CHRM3: variants seen among roughly 807,000 people sequenced by gnomAD.
CHRM3 encodes cholinergic receptor muscarinic 3, also known as muscarinic acetylcholine receptor M3.
A neutral mutation model predicts 41.8 loss-of-function variants in CHRM3; 11 were observed. The observed-to-expected ratio is 0.26, with a 90% CI of 0.17 to 0.44. The LOEUF (loss-of-function observed/expected upper bound fraction) is 0.44. CHRM3 is among the 20% of genes least tolerant of loss of function. CHRM3 has a pLI of 1.00. For missense variants in CHRM3, 571 were observed against 745.4 expected, an observed-to-expected ratio of 0.77 and a Z score of 2.72; for synonymous variants, 297 against 301.4, an observed-to-expected ratio of 0.99 and a Z score of 0.15.
chr1:239,681,925 T>A (rs1658608061), intron 5 of CHRM3, among the ~76,000 whole-genome samples: 1 of 152,148 alleles, frequency 6.6e-6, no homozygotes, highest in Non-Finnish European at 1.5e-5. Flanking sequence ...AGGTGTTGAA[T>A]CAACATGTGA....
At position 239,407,697 on chromosome 1, in the gene CHRM3, G is replaced by A. The variant is rs138247683; in HGVS notation, c.-521+20470G>A. Among the ~76,000 whole-genome samples, 208 of 152,054 alleles carry A rather than the reference G, an allele frequency of 1.4e-3. 1 individual carries two copies. The highest frequency in any genetic ancestry group is 4.6e-3 in the African/African-American group (193 of 41,508). ...AACAATGAACTAAATTAGCACATTC[G>A]ATCAGATTTCCATGAATATGCCCAG... On this transcript the variant is annotated intron_variant, in intron 1 of 6. Transcript: ENST00000676153.
At chr1:239,403,637 G>A (rs977988793) in intron 1 of CHRM3, among the ~76,000 whole-genome samples, 12 of 151,958 alleles carry the variant, frequency 7.9e-5, no homozygotes, top group Non-Finnish European at 8.8e-5. Context: ...AATTTCTAGT[G>A]GCCAGTAGTC....
At chr1:239,698,945 A>G (rs995079320) in intron 5 of CHRM3, among the ~76,000 whole-genome samples, 5 of 152,196 alleles carry the variant, frequency 3.3e-5, no homozygotes, top group African/African-American at 9.7e-5. Flanking sequence ...TACTTCTTTC[A>G]GCATAATTCT....
chr1:239,468,838 A>G (rs902545039), intron 1 of CHRM3, among the ~76,000 whole-genome samples: 1 of 152,198 alleles, frequency 6.6e-6, no homozygotes, highest in Non-Finnish European at 1.5e-5. Context: ...CCACTCTCCT[A>G]GCCAAATTGG....
At chr1:239,743,928 C>T (rs936526229) in intron 5 of CHRM3, among the ~76,000 whole-genome samples, 10 of 148,832 alleles carry the variant, frequency 6.7e-5, no homozygotes, top group Admixed American at 6.1e-4. Context: ...ACAGCTAGGA[C>T]GGACTACAGG....
At chr1:239,866,176 G>C (rs1676079106) in intron 6 of CHRM3, among the ~76,000 whole-genome samples, 1 of 152,136 alleles carries the variant, frequency 6.6e-6, no homozygotes, top group Non-Finnish European at 1.5e-5. Flanking sequence ...AGGAGATCCA[G>C]ACCATCCTGG....
intron 3 of CHRM3, among the ~76,000 whole-genome samples, chr1:239,623,366 G>A (rs549025375): frequency 6.7e-6 from 1 of 150,182 alleles, no homozygotes; most frequent in African/African-American, 2.5e-5. Flanking sequence ...TGCAGTGTTT[G>A]GTTTTTTGTC....
intron 1 of CHRM3, among the ~76,000 whole-genome samples, chr1:239,470,702 CAA>C (rs1480388734): frequency 6.6e-6 from 1 of 152,212 alleles, no homozygotes; most frequent in Non-Finnish European, 1.5e-5. Context: ...TCTGTCTAGC[CAA>C]CTGCATTGTT....
At chr1:239,555,500 G>A (rs1474447396) in intron 3 of CHRM3, among the ~76,000 whole-genome samples, 1 of 152,178 alleles carries the variant, frequency 6.6e-6, no homozygotes, top group Non-Finnish European at 1.5e-5. Context: ...TGCTAAAACA[G>A]GAATGGGGCA....
intron 5 of CHRM3, among the ~76,000 whole-genome samples, chr1:239,799,950 A>T (rs1274363750): frequency 2.6e-5 from 4 of 152,140 alleles, no homozygotes; most frequent in African/African-American, 9.7e-5. Flanking sequence ...TGCCTTAGGG[A>T]CACTGTTTGT....
At chr1:239,793,675 A>C (rs892467082) in intron 5 of CHRM3, among the ~76,000 whole-genome samples, 1 of 152,194 alleles carries the variant, frequency 6.6e-6, no homozygotes, top group African/African-American at 2.4e-5. Context: ...AGGATTAAGC[A>C]GACCACTGTG....
Position 239,913,337 on chromosome 1 carries a change from A to G in CHRM3, c.*4113A>G, listed in dbSNP as rs935503603. Reference sequence around the variant, plus strand: ...CAGAACTGAAACTGTATAGATTACAACACTCCAAAGTTATTTTTTTTTAAC... The same window carrying G: ...CAGAACTGAAACTGTATAGATTACAGCACTCCAAAGTTATTTTTTTTTAAC... On this transcript the variant is annotated 3_prime_UTR_variant, in exon 7 of 7. Transcript: ENST00000676153. 1.2e-5 allele frequency: 2 copies of G among 164,018 alleles called. No individual in the cohort carries two copies. The highest frequency in any genetic ancestry group is 5.2e-5 in the African/African-American group (2 of 38,508). 10.2% of individuals were successfully genotyped at this position (164,018 alleles called of 1,614,324 possible).
At chr1:239,741,233 C>T (rs1268615842) in intron 5 of CHRM3, among the ~76,000 whole-genome samples, 2 of 152,132 alleles carry the variant, frequency 1.3e-5, no homozygotes, top group Admixed American at 6.6e-5. Flanking sequence ...GGTGAAGATA[C>T]TCATGGAGAA....
intron 3 of CHRM3, among the ~76,000 whole-genome samples, chr1:239,609,935 G>A (rs946901253): frequency 1.3e-5 from 2 of 152,092 alleles, no homozygotes; most frequent in Admixed American, 6.5e-5. Flanking sequence ...GCTCAAGCCT[G>A]TAATCCCAGC....
chr1:239,701,862 C>T (rs1336035628), intron 5 of CHRM3, among the ~76,000 whole-genome samples: 2 of 152,188 alleles, frequency 1.3e-5, no homozygotes, highest in African/African-American at 2.4e-5. Context: ...ATTCCTCACT[C>T]TCCTTATCAA....
chr1:239,669,008 A>G (rs1014324873), intron 4 of CHRM3, among the ~76,000 whole-genome samples: 1 of 152,076 alleles, frequency 6.6e-6, no homozygotes, highest in Non-Finnish European at 1.5e-5. Context: ...TCCTTAATCA[A>G]TTTCTTTTCT....
At chr1:239,388,438 A>G (rs2102897588) in intron 1 of CHRM3, among the ~76,000 whole-genome samples, 1 of 152,296 alleles carries the variant, frequency 6.6e-6, no homozygotes, top group African/African-American at 2.4e-5. Context: ...CTATTTGAAA[A>G]ATAATTTTTA....
intron 1 of CHRM3, among the ~76,000 whole-genome samples, chr1:239,408,735 G>T (rs532897513): frequency 1.3e-5 from 2 of 151,512 alleles, no homozygotes; most frequent in African/African-American, 2.4e-5. Context: ...CAGCCTGACC[G>T]CTCAGACTCC....
intron 3 of CHRM3, among the ~76,000 whole-genome samples, chr1:239,591,007 A>T (rs758014094): frequency 1.2e-4 from 19 of 152,196 alleles, no homozygotes; most frequent in Non-Finnish European, 2.6e-4. Context: ...TCCCCATCAC[A>T]GTAAGTGTTA....
Sources: allele counts gnomAD v4.1 joint callset (sites outside exome capture counted in the v4.1 genomes callset), GRCh38; gene constraint gnomAD v4.1.1; transcripts MANE v1.5; gene names NCBI Gene and HGNC (gene_info 2026-07-23, HGNC 2026-07-21).